Variants in KCNMB4 observed in about 807,000 individuals in gnomAD.
KCNMB4 encodes potassium calcium-activated channel subfamily M regulatory beta subunit 4, also known as calcium-activated potassium channel subunit beta-4.
A neutral mutation model predicts 20.7 loss-of-function variants in KCNMB4; 3 were observed. The observed-to-expected ratio is 0.14, with a 90% CI of 0.07 to 0.37. The LOEUF is 0.37. Among genes scored for constraint, KCNMB4 ranks in the 10% least tolerant of loss-of-function variants. The probability of loss-of-function intolerance (pLI) is 1.00; values close to 1 mark genes in which losing one functional copy is unlikely to be tolerated. For missense variants in KCNMB4, 168 were observed against 265.9 expected, an observed-to-expected ratio of 0.63 and a Z score of 2.56; for synonymous variants, 110 against 113.4, an observed-to-expected ratio of 0.97 and a Z score of 0.19.
At chr12:70,413,405 C>T (rs1400848349) in intron 2 of KCNMB4, among the ~76,000 whole-genome samples, 1 of 152,070 alleles carries the variant, frequency 6.6e-6, no homozygotes, top group African/African-American at 2.4e-5. Context: ...ATACAAGAAC[C>T]GTAGGACAAG....
rs114962791 is a variant in KCNMB4, at chr12:70,416,532, A to G, written c.465-13953A>G. 1.6e-3 allele frequency among the ~76,000 whole-genome samples: 249 copies of G among 152,278 alleles called. 1 individual carries two copies. Among genetic ancestry groups the G allele is most frequent in the African/African-American group, 5.1e-3 (213 of 41,560 alleles). ...TTCATTACTCAAGTTTTAAAATTCT[A>G]TTGTTGAACTGTAAGTCACCACTTT... is the stretch of plus-strand genomic sequence containing the variant. On this transcript the variant is annotated intron_variant, in intron 2 of 2. Coordinates refer to ENST00000258111, the MANE Select transcript of KCNMB4 (RefSeq NM_014505.6).
chr12:70,425,318 G>T (rs1183584931), intron 2 of KCNMB4, among the ~76,000 whole-genome samples: 1 of 151,812 alleles, frequency 6.6e-6, no homozygotes, highest in Non-Finnish European at 1.5e-5. Flanking sequence ...GGCGCCTGTA[G>T]TCCCAGCTAC....
chr12:70,413,129 C>T (rs907216432), intron 2 of KCNMB4, among the ~76,000 whole-genome samples: 1 of 152,124 alleles, frequency 6.6e-6, no homozygotes, highest in African/African-American at 2.4e-5. Flanking sequence ...TGTGGCTTCT[C>T]CAGTATGCTG....
At position 70,366,674 on chromosome 12, in the gene KCNMB4, G is replaced by T. The variant is rs1883498150; in HGVS notation, c.-61G>T. The T allele has an allele frequency of 1.1e-5, 14 of 1,320,626 alleles. No homozygotes were observed. Among genetic ancestry groups the T allele is most frequent in the Non-Finnish European group, 1.4e-5 (14 of 1,021,456 alleles). The allele number at this position is 1,320,626 out of a possible 1,614,324, so 81.8% of individuals were successfully genotyped here. A position where few individuals can be genotyped will look rare whatever the true frequency, so the allele number is the denominator to read the frequency against. ...GGCTCCTCCCGCCCGAGGCAGTCGG[G>T]CTCGGCGCCGGGGGCGGGAGGGGGC... On this transcript the variant is annotated 5_prime_UTR_variant, in exon 1 of 3. Transcript: ENST00000258111.
At chr12:70,395,324 G>T (rs1868341763) in intron 1 of KCNMB4, among the ~76,000 whole-genome samples, 1 of 151,922 alleles carries the variant, frequency 6.6e-6, no homozygotes, top group African/African-American at 2.4e-5. Context: ...TCCTAACATA[G>T]AACCCAGTCC....
chr12:70,370,544 G>GATCC, intron 1 of KCNMB4, among the ~76,000 whole-genome samples: 1 of 152,162 alleles, frequency 6.6e-6, no homozygotes, highest in East Asian at 1.9e-4. Context: ...CTGACCTCGT[G>GATCC]ATCCACCCCT....
intron 1 of KCNMB4, among the ~76,000 whole-genome samples, chr12:70,371,260 A>G (rs1883589100): frequency 6.6e-6 from 1 of 152,198 alleles, no homozygotes; most frequent in South Asian, 2.1e-4. Flanking sequence ...GTACTCTAGA[A>G]GTGAGAGAAA....
At position 70,367,017 on chromosome 12, in the gene KCNMB4, A is replaced by C. The variant is rs746435834; in HGVS notation, c.283A>C (p.Asn95His). 3 of 1,584,528 alleles carry C rather than the reference A, an allele frequency of 1.9e-6. No individual in the cohort carries two copies. The East Asian group carries it at 6.9e-5, about 36-fold the overall frequency. The change falls in exon 1 of 3, where the codon AAC becomes CAC. Residue 95 changes from asparagine to histidine, a missense_variant. Physicochemically the swap from Asn to His is moderately conservative, Grantham distance 68 (BLOSUM62 1). Coordinates refer to ENST00000258111, the MANE Select transcript of KCNMB4 (RefSeq NM_014505.6). ...VQVYVNNSES[N>H]SRALLHSDEH... is the part of the protein sequence containing the mutation. The stretch of plus-strand genomic sequence containing the variant: ...GGTCTACGTGAACAACTCTGAGTCC[A>C]ACTCTAGGGCGCTGCTGCACAGCGA...
At chr12:70,382,420 G>A (rs922731276) in intron 1 of KCNMB4, among the ~76,000 whole-genome samples, 8 of 103,962 alleles carry the variant, frequency 7.7e-5, no homozygotes, top group African/African-American at 3.4e-4. Flanking sequence ...GCGACAGAAC[G>A]AGACTCCGTC....
chr12:70,420,938 G>A (rs1869034915), intron 2 of KCNMB4, among the ~76,000 whole-genome samples: 2 of 130,384 alleles, frequency 1.5e-5, no homozygotes, highest in South Asian at 2.9e-4. Flanking sequence ...GGCACCTGTA[G>A]TCCCAGCGGG....
rs75609496 is a variant in KCNMB4, at chr12:70,373,785, G to A, written c.336+6715G>A. Among the ~76,000 whole-genome samples, 263 of 152,298 alleles carry A rather than the reference G, an allele frequency of 1.7e-3. 2 individuals are homozygous for A. The highest frequency in any genetic ancestry group is 6.0e-3 in the African/African-American group (248 of 41,562). ...TATAATCCCAGCTACTTGGGAGGCT[G>A]AGGCCTGTACCACGTAGTAAGATCC... is the stretch of plus-strand genomic sequence containing the variant. On this transcript the variant is annotated intron_variant, in intron 1 of 2. Coordinates refer to ENST00000258111, the MANE Select transcript of KCNMB4 (RefSeq NM_014505.6).
chr12:70,385,796 C>G (rs776492695), intron 1 of KCNMB4, among the ~76,000 whole-genome samples: 9 of 152,100 alleles, frequency 5.9e-5, no homozygotes, highest in Non-Finnish European at 1.2e-4. Flanking sequence ...GATAATGATT[C>G]TTAGGATAAT....
intron 2 of KCNMB4, among the ~76,000 whole-genome samples, chr12:70,411,915 TGAGTC>T (rs937043881): frequency 6.6e-5 from 10 of 152,122 alleles, no homozygotes; most frequent in African/African-American, 1.9e-4. Context: ...TTTAGAAAGA[TGAGTC>T]TAGTGGCAGC....
rs1032568583 is a variant in KCNMB4, at chr12:70,366,421, G to C, written c.-314G>C. ...CGGGGAGAGTGCGGGGGCGGAGGCT[G>C]GCAGGGGGCGCTGGAAGCTGGAGCG... On this transcript the variant is annotated 5_prime_UTR_variant, in exon 1 of 3. Coordinates refer to ENST00000258111, the MANE Select transcript of KCNMB4 (RefSeq NM_014505.6). 1.3e-5 allele frequency: 2 copies of C among 152,074 alleles called. No individual in the cohort carries two copies. Among genetic ancestry groups the C allele is most frequent in the African/African-American group, 4.8e-5 (2 of 41,360 alleles). The allele number at this position is 152,074 out of a possible 1,614,324, so 9.4% of individuals were successfully genotyped here.
chr12:70,385,832 A>G (rs1019457251), intron 1 of KCNMB4, among the ~76,000 whole-genome samples: 3 of 152,328 alleles, frequency 2.0e-5, no homozygotes, highest in East Asian at 3.9e-4. Context: ...AAAACAATCT[A>G]TAGAGATTTC....
intron 2 of KCNMB4, among the ~76,000 whole-genome samples, chr12:70,405,463 A>C (rs1255270919): frequency 6.6e-6 from 1 of 152,198 alleles, no homozygotes; most frequent in African/African-American, 2.4e-5. Context: ...TCTCAGAATG[A>C]CTATTAACAA....
Position 70,424,442 on chromosome 12 carries a change from G to GAAA in KCNMB4, c.465-6029_465-6027dup, listed in dbSNP as rs35459349. Among the ~76,000 whole-genome samples the GAAA allele has an allele frequency of 5.6e-3, 755 of 135,708 alleles. 9 individuals are homozygous for GAAA. Among genetic ancestry groups the GAAA allele is most frequent in the African/African-American group, 0.019 (668 of 35,866 alleles). 89.0% of individuals were successfully genotyped at this position (135,708 alleles called of 152,430 possible). A position where few individuals can be genotyped will look rare whatever the true frequency, so the allele number is the denominator to read the frequency against. ...GGCAACAGAGCGAGACTCCATCTCA[G>GAAA]AAAAAAAAAAAAAAAATATTGCAAA... On this transcript the variant is annotated intron_variant, in intron 2 of 2. Transcript: ENST00000258111.
intron 2 of KCNMB4, among the ~76,000 whole-genome samples, chr12:70,403,032 T>G (rs1192207212): frequency 6.6e-6 from 1 of 152,156 alleles, no homozygotes; most frequent in African/African-American, 2.4e-5. Context: ...AACCCCTGAC[T>G]TGGGGCTAGT....
chr12:70,430,702 G>C lies in KCNMB4; in HGVS notation c.*49G>C. 1.3e-6 allele frequency: 2 copies of C among 1,498,054 alleles called. No homozygotes were observed. Among genetic ancestry groups the C allele is most frequent in the Non-Finnish European group, 1.8e-6 (2 of 1,127,866 alleles). 92.8% of individuals were successfully genotyped at this position (1,498,054 alleles called of 1,614,324 possible). A position where few individuals can be genotyped will look rare whatever the true frequency, so the allele number is the denominator to read the frequency against. On this transcript the variant is annotated 3_prime_UTR_variant, in exon 3 of 3. Transcript: ENST00000258111. The stretch of plus-strand genomic sequence containing the variant: ...CAAAGTACAGAAGCTGTACTCATCG[G>C]CACGCGTCCACCTGCGGAACCTGTG...
Sources: allele counts gnomAD v4.1 joint callset (sites outside exome capture counted in the v4.1 genomes callset), GRCh38; gene constraint gnomAD v4.1.1; transcripts MANE v1.5; gene names NCBI Gene and HGNC (gene_info 2026-07-23, HGNC 2026-07-21).